The following CACNA1D variants were observed in gnomAD, a reference collection of about 807,000 sequenced individuals.
The protein encoded by CACNA1D is voltage-dependent L-type calcium channel subunit alpha-1D.
CACNA1D carries 55 observed loss-of-function variants against 257.1 expected under a neutral mutation model. The ratio of observed to expected loss-of-function variants is 0.21; its 90% CI spans 0.17 to 0.27. The LOEUF (loss-of-function observed/expected upper bound fraction) is 0.27, where lower values mean the gene tolerates loss of function less well. Among genes scored for constraint, CACNA1D ranks in the 10% least tolerant of loss-of-function variants. CACNA1D has a pLI of 1.00. For missense variants in CACNA1D, 1,876 were observed against 2,784.0 expected, an observed-to-expected ratio of 0.67 and a Z score of 7.34; for synonymous variants, 980 against 1,014.9, an observed-to-expected ratio of 0.97 and a Z score of 0.65.
intron 3 of CACNA1D, among the ~76,000 whole-genome samples, chr3:53,583,816 C>G (rs1307490909): frequency 1.5e-5 from 2 of 135,558 alleles, no homozygotes; most frequent in Non-Finnish European, 3.4e-5. Context: ...TTTGTTTTCC[C>G]TTGTGACATG....
intron 21 of CACNA1D, among the ~76,000 whole-genome samples, chr3:53,742,302 T>C (rs1205381394): frequency 6.6e-6 from 1 of 152,248 alleles, no homozygotes; most frequent in African/African-American, 2.4e-5. Flanking sequence ...TATATTTTGC[T>C]ATTTTTACTT....
Position 53,723,729 on chromosome 3 carries a change from A to G in CACNA1D, c.1893-63A>G, listed in dbSNP as rs186194110. On this transcript the variant is annotated intron_variant, in intron 13 of 47. Coordinates refer to ENST00000350061, the MANE Select transcript of CACNA1D (RefSeq NM_001128840.3). The surrounding 1 kb of genome is among the most constrained non-coding windows in gnomAD (Gnocchi z 5.6). The stretch of plus-strand genomic sequence containing the variant: ...GCGGCAACCAGTCACATCCCCGGGC[A>G]GGTGATGTTCTGCTCTGTCCTGCAT... 6.4e-7 allele frequency: 1 copy of G among 1,571,796 alleles called. No individual in the cohort carries two copies. The highest frequency in any genetic ancestry group is 8.8e-7 in the Non-Finnish European group (1 of 1,141,414).
At chr3:53,795,035 G>T (rs546833746) in intron 40 of CACNA1D, among the ~76,000 whole-genome samples, 1 of 152,202 alleles carries the variant, frequency 6.6e-6, no homozygotes, top group Non-Finnish European at 1.5e-5. Context: ...CCCCTTCCCA[G>T]TCTCAGCCCA....
chr3:53,782,583 G>A (rs533031031), intron 39 of CACNA1D: 1 of 152,314 alleles, frequency 6.6e-6, no homozygotes, highest in South Asian at 2.1e-4. Context: ...CCCTGCCCCT[G>A]AGAAGGTGAT....
At chr3:53,639,519 T>C (rs986137572) in intron 3 of CACNA1D, among the ~76,000 whole-genome samples, 1 of 152,024 alleles carries the variant, frequency 6.6e-6, no homozygotes, top group Non-Finnish European at 1.5e-5. Flanking sequence ...CCTGAGTAGA[T>C]GGGACTACAG....
At chr3:53,718,601 C>CCCCCCCAAAA in intron 10 of CACNA1D, 1 of 1,103,192 alleles carries the variant, frequency 9.1e-7, no homozygotes, top group Non-Finnish European at 1.3e-6. Context: ...CCCCCCGGCC[C>CCCCCCCAAAA]AGCATTTCAC....
chr3:53,524,464 G>C (rs1283107791), intron 3 of CACNA1D, among the ~76,000 whole-genome samples: 1 of 152,238 alleles, frequency 6.6e-6, no homozygotes, highest in Non-Finnish European at 1.5e-5. Context: ...CATCAGTTTA[G>C]CACCAGAAAT....
At chr3:53,545,424 C>T (rs992653404) in intron 3 of CACNA1D, among the ~76,000 whole-genome samples, 7 of 152,100 alleles carry the variant, frequency 4.6e-5, no homozygotes, top group African/African-American at 1.2e-4. Flanking sequence ...GTGTGTAAAA[C>T]GGATGTACCT....
intron 14 of CACNA1D, among the ~76,000 whole-genome samples, chr3:53,724,574 CAG>C (rs1461070718): frequency 3.9e-5 from 6 of 152,156 alleles, no homozygotes; most frequent in Non-Finnish European, 7.4e-5. Flanking sequence ...GCGGTGGTTG[CAG>C]AGAGGCACCG....
chr3:53,546,371 T>A (rs969095654), intron 3 of CACNA1D, among the ~76,000 whole-genome samples: 18 of 748 alleles, frequency 0.024, no homozygotes, highest in Non-Finnish European at 0.036. Flanking sequence ...GGGTCTGAAT[T>A]TGGGGTAGGG....
At chr3:53,662,846 T>C (rs2094218212) in intron 5 of CACNA1D, among the ~76,000 whole-genome samples, 1 of 152,198 alleles carries the variant, frequency 6.6e-6, no homozygotes, top group African/African-American at 2.4e-5. Flanking sequence ...TTCACAAAGC[T>C]TACTGCCATG....
chr3:53,756,531 T>C lies in CACNA1D; in HGVS notation c.3786+2849T>C, dbSNP rs148808785. 7.1e-3 allele frequency among the ~76,000 whole-genome samples: 1,082 copies of C among 152,310 alleles called. 13 individuals are homozygous for C. Among genetic ancestry groups the C allele is most frequent in the African/African-American group, 0.025 (1,026 of 41,570 alleles). On this transcript the variant is annotated intron_variant, in intron 29 of 47. Coordinates refer to ENST00000350061, the MANE Select transcript of CACNA1D (RefSeq NM_001128840.3). ...AAAGCAAGCAGGTGATTTAGCCGATTGTGGGTTCCCGAAGGGAAAGTTCAC... is the reference window on the plus strand; with the variant it reads ...AAAGCAAGCAGGTGATTTAGCCGATCGTGGGTTCCCGAAGGGAAAGTTCAC...
At chr3:53,651,422 G>C (rs572198250) in intron 4 of CACNA1D, among the ~76,000 whole-genome samples, 2 of 99,588 alleles carry the variant, frequency 2.0e-5, no homozygotes, top group Non-Finnish European at 3.7e-5. Flanking sequence ...GCATACTACT[G>C]TTCCATTTTA....
chr3:53,607,445 G>A (rs912866835), intron 3 of CACNA1D, among the ~76,000 whole-genome samples: 2 of 152,212 alleles, frequency 1.3e-5, no homozygotes, highest in Non-Finnish European at 2.9e-5. Context: ...CATGGTAGAA[G>A]GAGAGGTCAG....
intron 15 of CACNA1D, among the ~76,000 whole-genome samples, chr3:53,729,904 T>C (rs954959969): frequency 2.0e-4 from 31 of 152,200 alleles, no homozygotes; most frequent in African/African-American, 7.2e-4. Flanking sequence ...GAGTTATCTG[T>C]AGACTCTGAA....
intron 4 of CACNA1D, among the ~76,000 whole-genome samples, chr3:53,651,374 T>C (rs930801892): frequency 1.4e-5 from 2 of 143,008 alleles, no homozygotes; most frequent in African/African-American, 5.2e-5. Flanking sequence ...TTCTTTTTTT[T>C]TTTTTTTTTT....
At chr3:53,545,187 A>G (rs1349796847) in intron 3 of CACNA1D, among the ~76,000 whole-genome samples, 1 of 151,844 alleles carries the variant, frequency 6.6e-6, no homozygotes, top group Non-Finnish European at 1.5e-5. Flanking sequence ...TCTGCCCATG[A>G]CTATAATCCT....
intron 4 of CACNA1D, among the ~76,000 whole-genome samples, chr3:53,653,280 G>A (rs972755633): frequency 6.6e-6 from 1 of 152,046 alleles, no homozygotes; most frequent in East Asian, 1.9e-4. Flanking sequence ...TATGCTAACT[G>A]AACTGCCTGC....
chr3:53,705,080 C>A (rs1318902915), intron 9 of CACNA1D, among the ~76,000 whole-genome samples: 5 of 152,220 alleles, frequency 3.3e-5, no homozygotes, highest in Non-Finnish European at 7.3e-5. Context: ...CTCTGCCTTT[C>A]AGAGAACTTG....
Sources: gnomAD v4.1 joint callset for allele counts (sites outside exome capture counted in the v4.1 genomes callset) on GRCh38, gnomAD v4.1.1 for gene constraint, Gnocchi (gnomAD v3.1) non-coding constraint, MANE v1.5 for transcripts, NCBI Gene and HGNC (gene_info 2026-07-23, HGNC 2026-07-21) for gene names.